The following SH3PXD2B variants were observed in gnomAD, a reference collection of about 807,000 sequenced individuals.
The protein encoded by SH3PXD2B is SH3 and PX domains 2B, also known as SH3 and PX domain-containing protein 2B.
A neutral mutation model predicts 73.1 loss-of-function variants in SH3PXD2B; 37 were observed. The ratio of observed to expected loss-of-function variants is 0.51; its 90% CI spans 0.39 to 0.67. The LOEUF is 0.67. SH3PXD2B is among the 30% of genes least tolerant of loss of function. The pLI is 0.00. For synonymous variants in SH3PXD2B, 457 were observed against 480.5 expected, an observed-to-expected ratio of 0.95 and a Z score of 0.64; for missense variants, 1,053 against 1,197.8, an observed-to-expected ratio of 0.88 and a Z score of 1.78.
intron 12 of SH3PXD2B, among the ~76,000 whole-genome samples, chr5:172,345,017 GA>G (rs1178883010): frequency 6.7e-6 from 1 of 148,296 alleles, no homozygotes; most frequent in African/African-American, 2.6e-5. Context: ...GAGAAGGAGG[GA>G]AAGGAGGGAG....
At chr5:172,392,148 A>G (rs1758205160) in intron 4 of SH3PXD2B, among the ~76,000 whole-genome samples, 1 of 152,132 alleles carries the variant, frequency 6.6e-6, no homozygotes, top group African/African-American at 2.4e-5. Context: ...TAGAATATGA[A>G]TATATTTGGA....
intron 1 of SH3PXD2B, among the ~76,000 whole-genome samples, chr5:172,435,335 T>A (rs1304824675): frequency 6.6e-6 from 1 of 152,186 alleles, no homozygotes; most frequent in African/African-American, 2.4e-5. Context: ...TGTGGATATG[T>A]CAAAAATTAT....
Position 172,338,524 on chromosome 5 carries a change from A to C in SH3PXD2B, c.2581T>G (p.Phe861Val), listed in dbSNP as rs367711319. 1 of 1,614,046 alleles carries C rather than the reference A, an allele frequency of 6.2e-7. No individual in the cohort carries two copies. Among genetic ancestry groups the C allele is most frequent in the African/African-American group, 1.3e-5 (1 of 74,920 alleles). Reference sequence around the variant, plus strand: ...CTGCTGGTGTCTTTGTCTCCTTCAAAGTCGGCCACGGCCACATACAAAGAG... The same window carrying C: ...CTGCTGGTGTCTTTGTCTCCTTCAACGTCGGCCACGGCCACATACAAAGAG... Reference protein sequence around the residue: ...KDSLYVAVADFEGDKDTSSFQ... With the variant: ...KDSLYVAVADVEGDKDTSSFQ... The change falls in exon 13 of 13, where the codon TTT becomes GTT. Residue 861 changes from phenylalanine (F) to valine (V), a missense_variant. Coordinates refer to ENST00000311601, the MANE Select transcript of SH3PXD2B (RefSeq NM_001017995.3). This position sits in a 1 kb window ranked among gnomAD's most constrained non-coding sequence, Gnocchi z 5.1.
chr5:172,366,484 A>G (rs1757528685), intron 6 of SH3PXD2B, among the ~76,000 whole-genome samples: 1 of 152,210 alleles, frequency 6.6e-6, no homozygotes, highest in African/African-American at 2.4e-5. Context: ...CAAAGCACAA[A>G]GGTGCCTTTG....
intron 3 of SH3PXD2B, among the ~76,000 whole-genome samples, chr5:172,401,406 G>C (rs1352268781): frequency 6.6e-6 from 1 of 152,224 alleles, no homozygotes; most frequent in Non-Finnish European, 1.5e-5. Context: ...TCAGGTGGCA[G>C]AAAATCTTCT....
intron 10 of SH3PXD2B, among the ~76,000 whole-genome samples, chr5:172,348,418 G>A (rs1757043154): frequency 6.6e-6 from 1 of 151,946 alleles, no homozygotes. Context: ...GTAGTGAGCC[G>A]TTCTGGACCG....
chr5:172,336,196 GA>G lies in SH3PXD2B; in HGVS notation c.*2172del, dbSNP rs1189289858. On this transcript the variant is annotated 3_prime_UTR_variant, in exon 13 of 13. Coordinates refer to ENST00000311601, the MANE Select transcript of SH3PXD2B (RefSeq NM_001017995.3). ...TCGCTGAAAGGCAAAGAGCAAATCA[GA>G]AAAAAACATGTGTTTTGTCTTTTGA... 2 of 985,530 alleles carry G rather than the reference GA, an allele frequency of 2.0e-6. No individual in the cohort carries two copies. Among genetic ancestry groups the G allele is most frequent in the East Asian group, 1.1e-4 (1 of 8,818 alleles). 61.0% of individuals were successfully genotyped at this position (985,530 alleles called of 1,614,324 possible). A position where few individuals can be genotyped will look rare whatever the true frequency, so the allele number is the denominator to read the frequency against.
In SH3PXD2B at chr5:172,397,028, A is replaced by G. The variant is rs538569020; in HGVS notation, c.233-2389T>C. ...CTTTAGGTCTGGCTGCCTGAGAGCC[A>G]GGCGGAACAGAGCCATATTTCTCTT... On this transcript the variant is annotated intron_variant, in intron 3 of 12. Coordinates refer to ENST00000311601, the MANE Select transcript of SH3PXD2B (RefSeq NM_001017995.3). Among the ~76,000 whole-genome samples, 15 of 152,374 alleles carry G rather than the reference A, an allele frequency of 9.8e-5. No homozygotes were observed. The East Asian group carries it at 2.7e-3, about 27-fold the overall frequency.
chr5:172,347,894 C>T (rs553533671), intron 10 of SH3PXD2B, among the ~76,000 whole-genome samples: 1 of 152,304 alleles, frequency 6.6e-6, no homozygotes, highest in African/African-American at 2.4e-5. Context: ...ACCAAACACA[C>T]TTGGGCCGAT....
Position 172,421,698 on chromosome 5 carries a change from T to TGGGGAGGGCAAAGGCCTGTGG in SH3PXD2B, c.156+697_156+717dup, listed in dbSNP as rs1172547271. ...TGAGCCGGGAAGGCACAGGAGTGTG[T>TGGGGAGGGCAAAGGCCTGTGG]GGGGAGGGCAAAGGCCTGTGGAGAG... is the stretch of plus-strand genomic sequence containing the variant. On this transcript the variant is annotated intron_variant, in intron 2 of 12. Transcript: ENST00000311601. This position sits in a 1 kb window ranked among gnomAD's most constrained non-coding sequence, Gnocchi z 4.0. Among the ~76,000 whole-genome samples the TGGGGAGGGCAAAGGCCTGTGG allele has an allele frequency of 1.3e-5, 2 of 151,944 alleles. No homozygotes were observed. The highest frequency in any genetic ancestry group is 2.9e-5 in the Non-Finnish European group (2 of 67,976).
chr5:172,338,666 C>A lies in SH3PXD2B; in HGVS notation c.2439G>T (p.Gly813=). Residue 813 remains glycine (G), a synonymous_variant, in exon 13 of 13, where the codon GGG becomes GGT. Coordinates refer to ENST00000311601, the MANE Select transcript of SH3PXD2B (RefSeq NM_001017995.3). This position sits in a 1 kb window ranked among gnomAD's most constrained non-coding sequence, Gnocchi z 5.1. ...CTTTGCCTCGCGTGTCATCCTGGCC[C>A]CCCAAAGAGTTGGAGAGAAAAGGTT... The part of the protein sequence containing the change: ...KAKPFLSNSL[G]GQDDTRGKGS... The A allele has an allele frequency of 6.2e-7, 1 of 1,614,218 alleles. No homozygotes were observed. Among genetic ancestry groups the A allele is most frequent in the Non-Finnish European group, 8.5e-7 (1 of 1,180,044 alleles).
chr5:172,417,914 C>T, intron 2 of SH3PXD2B, among the ~76,000 whole-genome samples: 1 of 152,154 alleles, frequency 6.6e-6, no homozygotes, highest in East Asian at 1.9e-4. Flanking sequence ...CTTCATCACC[C>T]CGAAAAGGTA....
intron 3 of SH3PXD2B, among the ~76,000 whole-genome samples, chr5:172,398,855 G>A (rs902836047): frequency 6.6e-6 from 1 of 152,196 alleles, no homozygotes; most frequent in Non-Finnish European, 1.5e-5. Flanking sequence ...ATTCGTAGAG[G>A]AAATTCCAGT....
At chr5:172,360,136 G>T (rs2113314970) in intron 7 of SH3PXD2B, among the ~76,000 whole-genome samples, 1 of 152,296 alleles carries the variant, frequency 6.6e-6, no homozygotes, top group Admixed American at 6.5e-5. Context: ...GCCGGGCGTG[G>T]TGGCTCATGC....
intron 2 of SH3PXD2B, among the ~76,000 whole-genome samples, chr5:172,414,456 TAAAAA>T (rs1007937801): frequency 1.3e-5 from 1 of 77,552 alleles, no homozygotes; most frequent in African/African-American, 4.9e-5. Context: ...GACTCCATCT[TAAAAA>T]AAAAAAAAAA....
chr5:172,406,212 C>T (rs1758552472), intron 3 of SH3PXD2B, 65 bp downstream of exon 3: 1 of 1,552,338 alleles, frequency 6.4e-7, no homozygotes, highest in Admixed American at 1.7e-5. Context: ...TAAACTGTCC[C>T]AAGGGCTCTG....
chr5:172,406,176 T>A, intron 3 of SH3PXD2B, 101 bp downstream of exon 3: 2 of 1,283,166 alleles, frequency 1.6e-6, no homozygotes, highest in Admixed American at 1.9e-5. Context: ...TGGGATGGTG[T>A]CCCCTGATAA....
rs140904910 is a variant in SH3PXD2B at position 172,379,357 on chromosome 5, T to TTC, written c.401+2677_401+2678dup. ...AAGAAGAGACATAAGAGAGCTGGCTTTCTCTCTCTCTCTCTCTCCCATGTG... is the reference window on the plus strand; with the variant it reads ...AAGAAGAGACATAAGAGAGCTGGCTTTCTCTCTCTCTCTCTCTCTCCCATGTG... On this transcript the variant is annotated intron_variant, in intron 5 of 12. Transcript: ENST00000311601. Among the ~76,000 whole-genome samples, 1,050 of 148,382 alleles carry TTC rather than the reference T, an allele frequency of 7.1e-3. 10 individuals are homozygous for TTC. The highest frequency in any genetic ancestry group is 0.024 in the African/African-American group (966 of 40,638).
chr5:172,388,161 G>C (rs918592287), intron 4 of SH3PXD2B, among the ~76,000 whole-genome samples: 2 of 152,184 alleles, frequency 1.3e-5, no homozygotes, highest in Non-Finnish European at 1.5e-5. Context: ...GTTAACTACT[G>C]TAACTTTACA....
Sources: allele counts gnomAD v4.1 joint callset (sites outside exome capture counted in the v4.1 genomes callset), GRCh38; gene constraint gnomAD v4.1.1; non-coding constraint Gnocchi (gnomAD v3.1); transcripts MANE v1.5; gene names NCBI Gene and HGNC (gene_info 2026-07-23, HGNC 2026-07-21).